Variants in CAPZB observed in about 807,000 individuals in gnomAD.
The protein encoded by CAPZB is capping actin protein of muscle Z-line subunit beta.
CAPZB carries 2 observed loss-of-function variants against 38.1 expected under a neutral mutation model. That is an observed-to-expected ratio of 0.05 (90% CI 0.02 to 0.17). The LOEUF (loss-of-function observed/expected upper bound fraction) is 0.17. CAPZB is among the 10% of genes least tolerant of loss of function. CAPZB has a pLI of 1.00. For missense variants in CAPZB, 161 were observed against 334.2 expected, an observed-to-expected ratio of 0.48 and a Z score of 4.04; for synonymous variants, 107 against 127.4, an observed-to-expected ratio of 0.84 and a Z score of 1.08.
chr1:19,472,593 C>T (rs2094592878), intron 1 of CAPZB, among the ~76,000 whole-genome samples: 1 of 152,074 alleles, frequency 6.6e-6, no homozygotes, highest in African/African-American at 2.4e-5. Context: ...CAGGACTATG[C>T]AGTACCCAAG....
chr1:19,355,442 C>T lies in CAPZB; in HGVS notation c.588+1193G>A, dbSNP rs546790435. Among the ~76,000 whole-genome samples, 346 of 151,574 alleles carry T rather than the reference C, an allele frequency of 2.3e-3. 2 individuals carry two copies. The highest frequency in any genetic ancestry group is 8.3e-3 in the African/African-American group (342 of 41,250). ...CCCGGGAGGCAGAGATTGCAGTGAA[C>T]CGAGATCACACCACTGTACTCCAGC... On this transcript the variant is annotated intron_variant, in intron 6 of 8. Transcript: ENST00000264202.
chr1:19,343,516 C>T (rs12124339), intron 8 of CAPZB, among the ~76,000 whole-genome samples: 5,964 of 152,292 alleles, frequency 0.039, 143 homozygotes, highest in African/African-American at 0.05. Flanking sequence ...TCATCTCAGC[C>T]GACCGTGCCT....
intron 1 of CAPZB, among the ~76,000 whole-genome samples, chr1:19,423,824 G>A (rs2094411271): frequency 6.6e-6 from 1 of 151,964 alleles, no homozygotes; most frequent in Non-Finnish European, 1.5e-5. Flanking sequence ...AGTAGCTGGG[G>A]GGCCACCATG....
At chr1:19,449,607 G>A (rs181599930) in intron 1 of CAPZB, among the ~76,000 whole-genome samples, 6 of 152,098 alleles carry the variant, frequency 3.9e-5, no homozygotes, top group Non-Finnish European at 7.4e-5. Context: ...GGCTGACACG[G>A]CAAAACTCTG....
intron 1 of CAPZB, among the ~76,000 whole-genome samples, chr1:19,440,442 T>C (rs1327854698): frequency 6.6e-6 from 1 of 152,210 alleles, no homozygotes; most frequent in Non-Finnish European, 1.5e-5. Flanking sequence ...AGATTAAGCA[T>C]TTCCCCTGAA....
At chr1:19,379,604 G>A (rs962332396) in intron 3 of CAPZB, among the ~76,000 whole-genome samples, 1 of 152,240 alleles carries the variant, frequency 6.6e-6, no homozygotes, top group Non-Finnish European at 1.5e-5. Context: ...CGTGAACACA[G>A]GATAGCTTTT....
At chr1:19,344,581 G>GAACTTCAC in intron 7 of CAPZB, 147 bp from the exon 8 acceptor site, 1 of 669,758 alleles carries the variant, frequency 1.5e-6, no homozygotes, top group Non-Finnish European at 2.7e-6. Context: ...GCGCGCTCCA[G>GAACTTCAC]GCTGCCAAGA....
intron 1 of CAPZB, among the ~76,000 whole-genome samples, chr1:19,474,969 C>T (rs1039605842): frequency 6.6e-6 from 1 of 152,162 alleles, no homozygotes; most frequent in African/African-American, 2.4e-5. Flanking sequence ...CCAGAACTGA[C>T]AAGGACCTGC....
chr1:19,470,161 G>A (rs1254852730), intron 1 of CAPZB, among the ~76,000 whole-genome samples: 1 of 152,216 alleles, frequency 6.6e-6, no homozygotes, highest in Non-Finnish European at 1.5e-5. Flanking sequence ...GGAGGCTGCA[G>A]TGTGCTGTCA....
intron 2 of CAPZB, among the ~76,000 whole-genome samples, chr1:19,398,927 G>C (rs1026894920): frequency 6.7e-6 from 1 of 150,252 alleles, no homozygotes; most frequent in African/African-American, 2.5e-5. Context: ...GAGCGATCTC[G>C]AGTACCGCAA....
chr1:19,434,997 G>A (rs201397152), intron 1 of CAPZB, among the ~76,000 whole-genome samples: 16 of 134,426 alleles, frequency 1.2e-4, no homozygotes, highest in Admixed American at 1.5e-4. Context: ...TGTCTCAAAG[G>A]AAAAAAAAAA....
At chr1:19,378,990 C>G (rs1017902831) in intron 3 of CAPZB, among the ~76,000 whole-genome samples, 4 of 152,152 alleles carry the variant, frequency 2.6e-5, no homozygotes, top group African/African-American at 9.7e-5. Flanking sequence ...ATGAGACAAG[C>G]AGATCAAGCG....
chr1:19,483,425 A>G (rs1323958896), intron 1 of CAPZB, among the ~76,000 whole-genome samples: 1 of 152,212 alleles, frequency 6.6e-6, no homozygotes, highest in East Asian at 1.9e-4. Flanking sequence ...TGCCTCATCT[A>G]TAAAATGGGG....
intron 6 of CAPZB, among the ~76,000 whole-genome samples, chr1:19,346,269 G>A (rs1254278822): frequency 6.6e-6 from 1 of 151,944 alleles, no homozygotes; most frequent in Non-Finnish European, 1.5e-5. Context: ...TCAAGAAAGA[G>A]GAAGAAAAGA....
intron 2 of CAPZB, among the ~76,000 whole-genome samples, chr1:19,391,893 C>T (rs745445894): frequency 1.3e-5 from 2 of 152,136 alleles, no homozygotes; most frequent in Non-Finnish European, 2.9e-5. Flanking sequence ...CTCCAAGAGG[C>T]AAGGGTAGGC....
rs11802524 is a variant in CAPZB, at chr1:19,484,152, C to A, written c.3+1284G>T. 2.7e-3 allele frequency: 4,272 copies of A among 1,594,122 alleles called. 101 individuals are homozygous for A. The African/African-American group carries it at 0.05, about 19-fold the overall frequency. ...GCCTTCTTTACCAAAACAAACACCA[C>A]GAGCGGAGCCAGCACTCTCCCTAGG... On this transcript the variant is annotated intron_variant, in intron 1 of 8. Transcript: ENST00000264202.
intron 8 of CAPZB, 138 bp downstream of exon 8, chr1:19,344,220 A>C: frequency 1.5e-6 from 1 of 679,604 alleles, no homozygotes; most frequent in Non-Finnish European, 2.7e-6. Context: ...AAATCAACAT[A>C]ATGATCATCC....
chr1:19,379,326 T>C (rs972287041), intron 3 of CAPZB, among the ~76,000 whole-genome samples: 1 of 152,174 alleles, frequency 6.6e-6, no homozygotes, highest in African/African-American at 2.4e-5. Context: ...CTCAAACTCC[T>C]GGCCTCAAGT....
chr1:19,476,939 C>T (rs983216989), intron 1 of CAPZB, among the ~76,000 whole-genome samples: 3 of 152,216 alleles, frequency 2.0e-5, no homozygotes, highest in Non-Finnish European at 4.4e-5. Context: ...CATCAGCATG[C>T]GCTGAGTGCG....
Sources: allele counts gnomAD v4.1 joint callset (sites outside exome capture counted in the v4.1 genomes callset), GRCh38; gene constraint gnomAD v4.1.1; transcripts MANE v1.5; gene names NCBI Gene and HGNC (gene_info 2026-07-23, HGNC 2026-07-21).